The following CABLES1 variants were observed in gnomAD, a reference collection of about 807,000 sequenced individuals.
CABLES1 encodes the protein Cdk5 and Abl enzyme substrate 1.
In CABLES1, 36 loss-of-function variants were observed where a neutral mutation model predicts 57.8. That is an observed-to-expected ratio of 0.62 (90% CI 0.48 to 0.82). CABLES1 has a LOEUF of 0.82. Among genes scored for constraint, CABLES1 ranks in the 40% least tolerant of loss-of-function variants. The pLI, the probability that CABLES1 is intolerant of heterozygous loss-of-function variation, is 0.00. For synonymous variants in CABLES1, 374 were observed against 363.0 expected, an observed-to-expected ratio of 1.03 and a Z score of -0.35; for missense variants, 767 against 836.6, an observed-to-expected ratio of 0.92 and a Z score of 1.03.
At chr18:23,209,706 T>A (rs1436821185) in intron 3 of CABLES1, among the ~76,000 whole-genome samples, 1 of 152,184 alleles carries the variant, frequency 6.6e-6, no homozygotes, top group Non-Finnish European at 1.5e-5. Flanking sequence ...GATGAGACCT[T>A]CTCACAACCA....
chr18:23,135,225 T>G (rs1018718092), upstream of CABLES1, among the ~76,000 whole-genome samples: 2 of 151,842 alleles, frequency 1.3e-5, no homozygotes, highest in African/African-American at 4.8e-5. Context: ...AGTCGCCAAC[T>G]CTCCCAGCAG....
chr18:23,184,406 G>A (rs1232399106), intron 1 of CABLES1, among the ~76,000 whole-genome samples: 1 of 151,834 alleles, frequency 6.6e-6, no homozygotes, highest in East Asian at 1.9e-4. Context: ...ATAAACAATA[G>A]AAATGTATTT....
chr18:23,139,444 G>A (rs1270204842), intron 1 of CABLES1, among the ~76,000 whole-genome samples: 1 of 149,596 alleles, frequency 6.7e-6, no homozygotes, highest in Non-Finnish European at 1.5e-5. Context: ...CTCCCAATCT[G>A]CAATCTTGAA....
intron 3 of CABLES1, among the ~76,000 whole-genome samples, chr18:23,207,231 C>T (rs981257279): frequency 3.9e-5 from 6 of 152,202 alleles, no homozygotes; most frequent in Non-Finnish European, 5.9e-5. Context: ...TGGTGGCGAA[C>T]AGCCTGCCAG....
At chr18:23,238,032 G>T (rs1388580913) in intron 7 of CABLES1, among the ~76,000 whole-genome samples, 1 of 152,214 alleles carries the variant, frequency 6.6e-6, no homozygotes, top group Non-Finnish European at 1.5e-5. Context: ...CCACCTCCCT[G>T]CGTTTTGCAT....
chr18:23,258,486 C>G lies in CABLES1; in HGVS notation c.*1119C>G, dbSNP rs1245207756. The stretch of plus-strand genomic sequence containing the variant: ...TCCCACGTGCCCAGGGCTGTTCATG[C>G]AAGATTTTAATGGTGACTTGTCCTG... On this transcript the variant is annotated 3_prime_UTR_variant, in exon 10 of 10. Coordinates refer to ENST00000256925, the MANE Select transcript of CABLES1 (RefSeq NM_001100619.3). 6.6e-6 allele frequency: 1 copy of G among 152,134 alleles called. No individual in the cohort carries two copies. Among genetic ancestry groups the G allele is most frequent in the Non-Finnish European group, 1.5e-5 (1 of 68,026 alleles). 9.4% of individuals were successfully genotyped at this position (152,134 alleles called of 1,614,324 possible). A position where few individuals can be genotyped will look rare whatever the true frequency, so the allele number is the denominator to read the frequency against.
At chr18:23,220,402 C>A (rs2047478125) in intron 4 of CABLES1, among the ~76,000 whole-genome samples, 1 of 152,120 alleles carries the variant, frequency 6.6e-6, no homozygotes, top group Admixed American at 6.5e-5. Context: ...TACCATTTTA[C>A]TTGAGGCTAG....
chr18:23,187,676 C>T (rs764695503), intron 1 of CABLES1, among the ~76,000 whole-genome samples: 67 of 152,216 alleles, frequency 4.4e-4, no homozygotes, highest in African/African-American at 9.6e-4. Context: ...CGTGAGCCAC[C>T]GTGCCTGGCC....
intron 1 of CABLES1, among the ~76,000 whole-genome samples, chr18:23,150,917 A>G (rs2046925102): frequency 6.6e-6 from 1 of 151,986 alleles, no homozygotes. Flanking sequence ...TCGGGGAGCC[A>G]AGGGGGCTGA....
chr18:23,224,040 C>T (rs1243331009), intron 4 of CABLES1, among the ~76,000 whole-genome samples: 2 of 151,064 alleles, frequency 1.3e-5, no homozygotes, highest in African/African-American at 4.9e-5. Flanking sequence ...AAATGAGTTC[C>T]GTAGTAAGGA....
At chr18:23,224,046 A>T (rs1362031598) in intron 4 of CABLES1, among the ~76,000 whole-genome samples, 5 of 151,906 alleles carry the variant, frequency 3.3e-5, no homozygotes, top group African/African-American at 1.2e-4. Flanking sequence ...GTTCCGTAGT[A>T]AGGAGCACTC....
intron 1 of CABLES1, among the ~76,000 whole-genome samples, chr18:23,143,864 C>T (rs1235659269): frequency 6.6e-6 from 1 of 152,226 alleles, no homozygotes; most frequent in African/African-American, 2.4e-5. Flanking sequence ...CCTTCTGAAA[C>T]CCACATCTGA....
At chr18:23,208,687 C>T (rs1458240924) in intron 3 of CABLES1, among the ~76,000 whole-genome samples, 1 of 152,166 alleles carries the variant, frequency 6.6e-6, no homozygotes, top group Non-Finnish European at 1.5e-5. Context: ...AGCTGTGTCC[C>T]TTTCCAGGGC....
chr18:23,162,113 C>T (rs1390284498), intron 1 of CABLES1, among the ~76,000 whole-genome samples: 1 of 151,546 alleles, frequency 6.6e-6, no homozygotes, highest in Non-Finnish European at 1.5e-5. Context: ...TGCAGTGAGC[C>T]GAGACTGCAC....
intron 4 of CABLES1, among the ~76,000 whole-genome samples, chr18:23,216,418 T>C (rs761365236): frequency 1.2e-4 from 19 of 152,188 alleles, no homozygotes; most frequent in Non-Finnish European, 2.4e-4. Context: ...AATGGAGCTT[T>C]TCTGGTATCT....
At chr18:23,151,088 G>A (rs1437393967) in intron 1 of CABLES1, among the ~76,000 whole-genome samples, 2 of 148,088 alleles carry the variant, frequency 1.4e-5, no homozygotes, top group African/African-American at 2.5e-5. Flanking sequence ...GCGCGATCTC[G>A]GCTCACTGCA....
At chr18:23,198,612 TA>T (rs1439586466) in intron 3 of CABLES1, among the ~76,000 whole-genome samples, 1 of 152,198 alleles carries the variant, frequency 6.6e-6, no homozygotes, top group East Asian at 1.9e-4. Flanking sequence ...ACAGAGCCCT[TA>T]AAAGCGGAAG....
At chr18:23,255,782 A>G (rs2048150095) in intron 9 of CABLES1, among the ~76,000 whole-genome samples, 1 of 152,044 alleles carries the variant, frequency 6.6e-6, no homozygotes, top group Non-Finnish European at 1.5e-5. Context: ...GCTAGTCTCG[A>G]ACTCCTGGCC....
chr18:23,191,906 T>TAAAAAAAAAA (rs147984743), intron 2 of CABLES1, among the ~76,000 whole-genome samples: 1 of 82,616 alleles, frequency 1.2e-5, no homozygotes, highest in Non-Finnish European at 2.3e-5. Context: ...GTTGAATGCT[T>TAAAAAAAAAA]AAAAAAAAAA....
Sources: gnomAD v4.1 joint callset for allele counts (sites outside exome capture counted in the v4.1 genomes callset) on GRCh38, gnomAD v4.1.1 for gene constraint, MANE v1.5 for transcripts, NCBI Gene and HGNC (gene_info 2026-07-23, HGNC 2026-07-21) for gene names.